Variants in KATNA1 observed in about 807,000 individuals in gnomAD.
The protein encoded by KATNA1 is katanin p60 ATPase-containing subunit A1.
Under a neutral mutation model 62.6 loss-of-function variants are expected in KATNA1, and 42 were observed. That is an observed-to-expected ratio of 0.67 (90% CI 0.52 to 0.87). KATNA1 has a LOEUF of 0.87. Ranked by LOEUF, KATNA1 falls within the 40% of genes least tolerant of loss-of-function variation. KATNA1 has a pLI of 0.00. For missense variants in KATNA1, 498 were observed against 612.5 expected (o/e 0.81, Z 1.97); for synonymous variants, 186 against 201.9 (o/e 0.92, Z 0.67).
Position 149,604,740 on chromosome 6 carries a change from A to G in KATNA1, c.544T>C (p.Phe182Leu). Residue 182 changes from phenylalanine (F) to leucine (L), a missense_variant, in exon 5 of 11, where the codon TTT (phenylalanine) becomes CTT (leucine). This residue lies in a region of KATNA1 where 203 missense variants were observed against 198.4 expected (regional missense o/e 1.02). Coordinates refer to ENST00000367411, the MANE Select transcript of KATNA1 (RefSeq NM_007044.4). Reference sequence around the variant, plus strand: ...TCTTTATCATATCCGGTACTATCAAATTTATTTGTCTCTGGTTCTGTTACT... The same window carrying G: ...TCTTTATCATATCCGGTACTATCAAGTTTATTTGTCTCTGGTTCTGTTACT... ...AAVTEPETNK[F>L]DSTGYDKDLV... 6.2e-7 allele frequency: 1 copy of G among 1,613,238 alleles called. No individual in the cohort carries two copies. Among genetic ancestry groups the G allele is most frequent in the Non-Finnish European group, 8.5e-7 (1 of 1,179,198 alleles).
At chr6:149,645,100 C>A (rs1009959068) in intron 1 of KATNA1, among the ~76,000 whole-genome samples, 4 of 152,100 alleles carry the variant, frequency 2.6e-5, no homozygotes, top group Non-Finnish European at 5.9e-5. Flanking sequence ...AGACTAGAAA[C>A]TGGCTGTATT....
rs1046310269 is a variant in KATNA1 at position 149,645,462 on chromosome 6, A to AC, written c.-14+3006_-14+3007insG. 1.7e-4 allele frequency among the ~76,000 whole-genome samples: 25 copies of AC among 151,480 alleles called. 1 individual carries two copies. Among genetic ancestry groups the AC allele is most frequent in the East Asian group, 3.9e-4 (2 of 5,178 alleles). ...CATCTCAAAAAACAAAAAACAAAAA[A>AC]AAAAAAAAGAAAGAAAAAAAAGCTG... On this transcript the variant is annotated intron_variant, in intron 1 of 10. Coordinates refer to ENST00000367411, the MANE Select transcript of KATNA1 (RefSeq NM_007044.4).
chr6:149,603,427 G>C (rs113966774), intron 5 of KATNA1, 54 bp from the exon 6 acceptor site: 5 of 837,478 alleles, frequency 6.0e-6, no homozygotes, highest in African/African-American at 1.7e-5. Context: ...TGTCTATGCA[G>C]TCACTCTTGA....
chr6:149,640,168 T>C (rs765054327), intron 1 of KATNA1, among the ~76,000 whole-genome samples: 8 of 152,202 alleles, frequency 5.3e-5, no homozygotes, highest in African/African-American at 9.6e-5. Flanking sequence ...ACTTGACAAA[T>C]AGTAGGTCTT....
rs1239973431 is a variant in KATNA1 at position 149,598,353 on chromosome 6, AAAGG to A, written c.889-7_889-4del. Reference sequence around the variant, plus strand: ...GTGGCTGGAGAATAAAATCGAGCCTAAAGGAAGAAACCATGCAATATCAAGCTAT... The same window carrying A: ...GTGGCTGGAGAATAAAATCGAGCCTAAAGAAACCATGCAATATCAAGCTAT... On this transcript the variant is annotated splice_polypyrimidine_tract_variant and splice_region_variant and intron_variant, in intron 7 of 10. Transcript: ENST00000367411. 1.9e-6 allele frequency: 3 copies of A among 1,613,142 alleles called. No individual in the cohort carries two copies. The highest frequency in any genetic ancestry group is 2.5e-6 in the Non-Finnish European group (3 of 1,179,500).
At chr6:149,642,370 T>C (rs769115561) in intron 1 of KATNA1, among the ~76,000 whole-genome samples, 52 of 152,298 alleles carry the variant, frequency 3.4e-4, no homozygotes, top group Non-Finnish European at 6.3e-4. Context: ...TATATGTACA[T>C]AGACACACAC....
chr6:149,631,122 G>A (rs963600316), intron 3 of KATNA1, among the ~76,000 whole-genome samples: 8 of 152,148 alleles, frequency 5.3e-5, no homozygotes, highest in African/African-American at 1.9e-4. Context: ...CAACCAGGCC[G>A]GGTGTGGTGG....
intron 4 of KATNA1, among the ~76,000 whole-genome samples, chr6:149,614,314 T>C (rs970757629): frequency 6.6e-6 from 1 of 152,146 alleles, no homozygotes; most frequent in African/African-American, 2.4e-5. Flanking sequence ...CCTCCTCCCA[T>C]TGTTGCAAGC....
chr6:149,637,641 A>G (rs1488295577), intron 2 of KATNA1, among the ~76,000 whole-genome samples: 1 of 152,108 alleles, frequency 6.6e-6, no homozygotes, highest in Non-Finnish European at 1.5e-5. Flanking sequence ...AGCCTGGCCA[A>G]CATGGTGAAA....
rs545280786 is a variant in KATNA1 at position 149,632,872 on chromosome 6, G to A, written c.207C>T (p.Ile69=). 5.6e-6 allele frequency: 9 copies of A among 1,612,152 alleles called. No homozygotes were observed. In the African/African-American group the frequency reaches 1.2e-4, roughly 22 times the overall value. Reference sequence around the variant, plus strand: ...GTTTAAAGCTCTCTAGTGTTTTCATGATATCTTTAACATGTTTAGCTTCCA... The same window carrying A: ...GTTTAAAGCTCTCTAGTGTTTTCATAATATCTTTAACATGTTTAGCTTCCA... ...INVEAKHVKD[I]MKTLESFKLD... The change falls in exon 3 of 11, where the codon ATC becomes ATT. Residue 69 remains isoleucine (I), a synonymous_variant. Coordinates refer to ENST00000367411, the MANE Select transcript of KATNA1 (RefSeq NM_007044.4).
At chr6:149,628,349 T>C (rs965001145) in intron 3 of KATNA1, among the ~76,000 whole-genome samples, 1 of 149,760 alleles carries the variant, frequency 6.7e-6, no homozygotes, top group Non-Finnish European at 1.5e-5. Flanking sequence ...GACCTTGGCA[T>C]CCGCCCGCCT....
Position 149,635,992 on chromosome 6 carries a change from T to A in KATNA1, c.162+2394A>T, listed in dbSNP as rs192529466. Among the ~76,000 whole-genome samples, 553 of 151,056 alleles carry A rather than the reference T, an allele frequency of 3.7e-3. 3 individuals are homozygous for A. Among genetic ancestry groups the A allele is most frequent in the African/African-American group, 0.013 (526 of 41,086 alleles). On this transcript the variant is annotated intron_variant, in intron 2 of 10. Coordinates refer to ENST00000367411, the MANE Select transcript of KATNA1 (RefSeq NM_007044.4). ...ATCACTTGAACCCGGGAGGTGGAGG[T>A]TGCAGTGAGCTGAGACCGCGCCATT...
intron 2 of KATNA1, among the ~76,000 whole-genome samples, chr6:149,637,759 G>A (rs1426250317): frequency 6.6e-6 from 1 of 152,002 alleles, no homozygotes; most frequent in Admixed American, 6.6e-5. Context: ...GCAGTGAGCC[G>A]AGATCGTGCC....
At chr6:149,627,198 G>A (rs535817869) in intron 3 of KATNA1, among the ~76,000 whole-genome samples, 44 of 151,684 alleles carry the variant, frequency 2.9e-4, no homozygotes, top group South Asian at 6.2e-4. Flanking sequence ...TTTGAAACCC[G>A]TCTGGCCAAC....
chr6:149,643,092 G>C (rs1473182148), intron 1 of KATNA1, among the ~76,000 whole-genome samples: 1 of 152,236 alleles, frequency 6.6e-6, no homozygotes, highest in Non-Finnish European at 1.5e-5. Flanking sequence ...CAGCTCCACA[G>C]AGTGAGCTGC....
At chr6:149,628,445 A>C (rs1325793427) in intron 3 of KATNA1, among the ~76,000 whole-genome samples, 1 of 151,998 alleles carries the variant, frequency 6.6e-6, no homozygotes, top group East Asian at 1.9e-4. Context: ...CTAGAAGAGA[A>C]TACTGGATCA....
intron 1 of KATNA1, among the ~76,000 whole-genome samples, chr6:149,642,193 G>A (rs369625353): frequency 3.3e-5 from 5 of 152,182 alleles, no homozygotes; most frequent in African/African-American, 4.8e-5. Context: ...GAGCCTATGC[G>A]CCTGGCCGAG....
At chr6:149,642,034 C>G (rs1335768441) in intron 1 of KATNA1, among the ~76,000 whole-genome samples, 1 of 152,160 alleles carries the variant, frequency 6.6e-6, no homozygotes, top group Non-Finnish European at 1.5e-5. Flanking sequence ...TCCCGAGTAG[C>G]TAGGACTACA....
At chr6:149,621,123 C>CTTTT (rs1282414027) in intron 4 of KATNA1, among the ~76,000 whole-genome samples, 1 of 135,814 alleles carries the variant, frequency 7.4e-6, no homozygotes. Context: ...CCTATGCCTT[C>CTTTT]TTTTTTTTTT....
Sources: gnomAD v4.1 joint callset for allele counts (sites outside exome capture counted in the v4.1 genomes callset) on GRCh38, gnomAD v4.1.1 for gene constraint, gnomAD v4.1.1 regional missense constraint, MANE v1.5 for transcripts, NCBI Gene and HGNC (gene_info 2026-07-23, HGNC 2026-07-21) for gene names.